Variants in PGCKA1 observed in about 807,000 individuals in gnomAD.
PGCKA1 encodes PDCD10 and GCKIII kinases associated 1.
At chr4:37,584,005 T>G in the PGCKA1 span, among the ~76,000 whole-genome samples, 1 of 152,174 alleles carries the variant, frequency 6.6e-6, no homozygotes, top group Non-Finnish European at 1.5e-5. Flanking sequence ...AAAGAGCATA[T>G]TTTTTTCATT....
At chr4:37,464,343 A>G in the PGCKA1 span, among the ~76,000 whole-genome samples, 11 of 152,296 alleles carry the variant, frequency 7.2e-5, no homozygotes, top group Non-Finnish European at 1.3e-4. Flanking sequence ...GACCTCAGAA[A>G]TACTTAAAAT....
chr4:37,483,600 C>T, the PGCKA1 span, among the ~76,000 whole-genome samples: 9,459 of 152,238 alleles, frequency 0.062, 368 homozygotes, highest in Middle Eastern at 0.088. Flanking sequence ...TGTAACATAC[C>T]AACAAGGATA....
chr4:37,533,580 G>A, the PGCKA1 span, among the ~76,000 whole-genome samples: 1 of 152,126 alleles, frequency 6.6e-6, no homozygotes, highest in Non-Finnish European at 1.5e-5. Flanking sequence ...AAAATTCCAA[G>A]AACAGCCCTC....
At chr4:37,548,632 A>C in the PGCKA1 span, among the ~76,000 whole-genome samples, 2 of 152,232 alleles carry the variant, frequency 1.3e-5, no homozygotes, top group Non-Finnish European at 2.9e-5. Context: ...AATTAAGTTT[A>C]ACATTAATAA....
At chr4:37,533,152 TA>T in the PGCKA1 span, among the ~76,000 whole-genome samples, 2 of 149,342 alleles carry the variant, frequency 1.3e-5, no homozygotes, top group South Asian at 2.1e-4. Flanking sequence ...TATAATTATT[TA>T]AAAAAATAGT....
chr4:37,479,732 G>A, the PGCKA1 span, among the ~76,000 whole-genome samples: 1 of 152,178 alleles, frequency 6.6e-6, no homozygotes, highest in Non-Finnish European at 1.5e-5. Context: ...AGTTCAAGAT[G>A]AGAGCTTGAA....
chr4:37,502,007 C>T, the PGCKA1 span, among the ~76,000 whole-genome samples: 16 of 152,272 alleles, frequency 1.1e-4, no homozygotes, highest in East Asian at 9.7e-4. Flanking sequence ...CACTCAGCTC[C>T]CATCTCCTAG....
the PGCKA1 span, among the ~76,000 whole-genome samples, chr4:37,587,580 A>G: frequency 6.6e-6 from 1 of 152,224 alleles, no homozygotes; most frequent in East Asian, 1.9e-4. Context: ...TGGGAGACAG[A>G]GACACAGCCA....
the PGCKA1 span, among the ~76,000 whole-genome samples, chr4:37,509,003 T>C: frequency 1.3e-5 from 2 of 150,798 alleles, no homozygotes; most frequent in African/African-American, 4.9e-5. Context: ...GGGGTAAGGT[T>C]ATAGATTAAC....
the PGCKA1 span, chr4:37,590,573 C>T: frequency 6.2e-7 from 1 of 1,614,174 alleles, no homozygotes; most frequent in Non-Finnish European, 8.5e-7. Context: ...GAAAGTTTTG[C>T]CTTGGAAGTA....
chr4:37,567,325 ACACT>A, the PGCKA1 span, among the ~76,000 whole-genome samples: 2 of 152,182 alleles, frequency 1.3e-5, no homozygotes, highest in African/African-American at 4.8e-5. Flanking sequence ...CACATAGAAA[ACACT>A]CAGTGGCTAA....
the PGCKA1 span, among the ~76,000 whole-genome samples, chr4:37,504,234 A>G: frequency 6.6e-6 from 1 of 152,118 alleles, no homozygotes; most frequent in Admixed American, 6.5e-5. Context: ...AAATGAGTTC[A>G]ATATAGGTGT....
chr4:37,590,170 G>A, the PGCKA1 span: 2 of 1,614,200 alleles, frequency 1.2e-6, no homozygotes, highest in Non-Finnish European at 1.7e-6. Context: ...AGACGACACT[G>A]ATAAATTAAA....
the PGCKA1 span, among the ~76,000 whole-genome samples, chr4:37,589,739 C>T: frequency 9.9e-5 from 15 of 152,172 alleles, 1 homozygote; most frequent in Admixed American, 9.2e-4. Context: ...TCAAGCGATT[C>T]TCCTATCTCA....
chr4:37,571,686 C>T, the PGCKA1 span, among the ~76,000 whole-genome samples: 42 of 152,146 alleles, frequency 2.8e-4, no homozygotes, highest in South Asian at 1.5e-3. Flanking sequence ...TACAAATGCC[C>T]GCCACCACGC....
the PGCKA1 span, among the ~76,000 whole-genome samples, chr4:37,492,852 G>C: frequency 6.6e-6 from 1 of 152,094 alleles, no homozygotes; most frequent in South Asian, 2.1e-4. This position sits in a 1 kb window ranked among gnomAD's most constrained non-coding sequence, Gnocchi z 4.7. Flanking sequence ...TGAGGTACCT[G>C]CTGCTGCCAC....
chr4:37,556,298 G>A, the PGCKA1 span, among the ~76,000 whole-genome samples: 6 of 149,238 alleles, frequency 4.0e-5, no homozygotes, highest in African/African-American at 5.0e-5. Context: ...ACAGAGTTTC[G>A]CTCTTGTTGC....
At chr4:37,543,572 T>G in the PGCKA1 span, among the ~76,000 whole-genome samples, 1 of 151,956 alleles carries the variant, frequency 6.6e-6, no homozygotes, top group Non-Finnish European at 1.5e-5. Context: ...CTGGGCGCGG[T>G]GGCTCACACC....
the PGCKA1 span, among the ~76,000 whole-genome samples, chr4:37,571,759 G>C: frequency 8.2e-3 from 1,248 of 151,820 alleles, 20 homozygotes; most frequent in African/African-American, 0.028. Context: ...GGATGGTCTC[G>C]ATCTCCTGAC....
Sources: allele counts gnomAD v4.1 joint callset (sites outside exome capture counted in the v4.1 genomes callset), GRCh38; gene constraint gnomAD v4.1.1; non-coding constraint Gnocchi (gnomAD v3.1); transcripts MANE v1.5; gene names NCBI Gene and HGNC (gene_info 2026-07-23, HGNC 2026-07-21).